The following GRID1 variants were observed in gnomAD, a reference collection of about 807,000 sequenced individuals.
GRID1 encodes the protein glutamate ionotropic receptor delta type subunit 1, also known as glutamate receptor ionotropic, delta-1.
In GRID1, 28 loss-of-function variants were observed where a neutral mutation model predicts 98.0. The observed-to-expected ratio is 0.29, with a 90% CI of 0.21 to 0.39. The LOEUF (loss-of-function observed/expected upper bound fraction) is 0.39, where lower values mean the gene tolerates loss of function less well. GRID1 is among the 10% of genes least tolerant of loss of function. The pLI, the probability that GRID1 is intolerant of heterozygous loss-of-function variation, is 1.00. For missense variants in GRID1, 1,111 were observed against 1,340.5 expected, an observed-to-expected ratio of 0.83 and a Z score of 2.67; for synonymous variants, 553 against 538.5, an observed-to-expected ratio of 1.03 and a Z score of -0.37.
intron 8 of GRID1, among the ~76,000 whole-genome samples, chr10:85,848,588 T>G (rs1843028483): frequency 6.6e-6 from 1 of 152,164 alleles, no homozygotes; most frequent in Admixed American, 6.5e-5. Flanking sequence ...ATGATCTCTA[T>G]GTATGAAGGG....
At chr10:86,170,797 G>A (rs1238021468) in intron 3 of GRID1, among the ~76,000 whole-genome samples, 1 of 152,196 alleles carries the variant, frequency 6.6e-6, no homozygotes, top group Non-Finnish European at 1.5e-5. Flanking sequence ...GCTATTTGGG[G>A]TCACGTTCTA....
intron 2 of GRID1, among the ~76,000 whole-genome samples, chr10:86,344,201 CAT>C (rs1181632678): frequency 6.6e-5 from 10 of 152,242 alleles, no homozygotes; most frequent in Admixed American, 6.5e-4. Flanking sequence ...CCTCAAGAGA[CAT>C]GTGGGCAGGG....
intron 13 of GRID1, among the ~76,000 whole-genome samples, chr10:85,635,467 T>TG (rs1232501888): frequency 6.6e-6 from 1 of 152,204 alleles, no homozygotes; most frequent in Non-Finnish European, 1.5e-5. Flanking sequence ...GCAATTTTGC[T>TG]GCTCACTCAT....
chr10:86,118,111 T>TACAC (rs1250024177), intron 4 of GRID1, among the ~76,000 whole-genome samples: 1 of 152,070 alleles, frequency 6.6e-6, no homozygotes, highest in Non-Finnish European at 1.5e-5. Flanking sequence ...GATAGATATA[T>TACAC]ATACACACAC....
At position 85,855,968 on chromosome 10, in the gene GRID1, C is replaced by T. The variant is rs1388122848; in HGVS notation, c.1113+61G>A. 9.4e-6 allele frequency: 14 copies of T among 1,488,732 alleles called. No individual in the cohort carries two copies. The Admixed American group carries it at 2.0e-4, about 22-fold the overall frequency. The allele number at this position is 1,488,732 out of a possible 1,614,324, so 92.2% of individuals were successfully genotyped here. Reference sequence around the variant, plus strand: ...TCAGGCCAGCTACTAGAGGGGAACACAGTGGAGGTATAAGAAGGGGCCTGT... The same window carrying T: ...TCAGGCCAGCTACTAGAGGGGAACATAGTGGAGGTATAAGAAGGGGCCTGT... On this transcript the variant is annotated intron_variant, in intron 7 of 15. Transcript: ENST00000327946.
chr10:86,095,127 T>C (rs1176685903), intron 4 of GRID1, among the ~76,000 whole-genome samples: 1 of 152,142 alleles, frequency 6.6e-6, no homozygotes, highest in Non-Finnish European at 1.5e-5. Context: ...TTTCAACAAT[T>C]GGTGCTGGGA....
chr10:86,366,271 G>A lies in GRID1; in HGVS notation c.79+43C>T. On this transcript the variant is annotated intron_variant, in intron 1 of 15. Coordinates refer to ENST00000327946, the MANE Select transcript of GRID1 (RefSeq NM_017551.3). The surrounding 1 kb of genome is among the most constrained non-coding windows in gnomAD (Gnocchi z 4.1). ...GACGCCGCGCACCCCCTGCCCCGTT[G>A]GGGCCCCCGCCCAGCCTCGGCCCGG... The A allele has an allele frequency of 2.1e-6, 3 of 1,401,980 alleles. No individual in the cohort carries two copies. Among genetic ancestry groups the A allele is most frequent in the Non-Finnish European group, 2.9e-6 (3 of 1,047,070 alleles). 86.8% of individuals were successfully genotyped at this position (1,401,980 alleles called of 1,614,324 possible).
At chr10:85,770,103 C>T (rs192218469) in intron 8 of GRID1, among the ~76,000 whole-genome samples, 12 of 152,318 alleles carry the variant, frequency 7.9e-5, no homozygotes, top group African/African-American at 2.4e-4. Flanking sequence ...ACACCTCACA[C>T]GGCCGGGTAC....
At chr10:86,259,950 C>G (rs1054809514) in intron 2 of GRID1, among the ~76,000 whole-genome samples, 1 of 152,232 alleles carries the variant, frequency 6.6e-6, no homozygotes, top group African/African-American at 2.4e-5. Context: ...CACATGAGAG[C>G]CCAGGCAGTG....
At chr10:86,048,486 C>T (rs1330034259) in intron 4 of GRID1, among the ~76,000 whole-genome samples, 2 of 152,196 alleles carry the variant, frequency 1.3e-5, no homozygotes, top group Non-Finnish European at 2.9e-5. Flanking sequence ...CAGAGTGGCT[C>T]TTCCAGGCCC....
At chr10:85,968,438 A>T (rs1178021374) in intron 4 of GRID1, among the ~76,000 whole-genome samples, 1 of 139,668 alleles carries the variant, frequency 7.2e-6, no homozygotes, top group Non-Finnish European at 1.5e-5. Context: ...ACGACACAGC[A>T]AGACTCTGTC....
chr10:86,078,964 G>A (rs1180770477), intron 4 of GRID1, among the ~76,000 whole-genome samples: 2 of 151,602 alleles, frequency 1.3e-5, no homozygotes, highest in African/African-American at 2.4e-5. Flanking sequence ...CCCTTAAGGG[G>A]GCTCAACAGG....
At chr10:86,262,101 T>C (rs780582773) in intron 2 of GRID1, among the ~76,000 whole-genome samples, 7 of 152,194 alleles carry the variant, frequency 4.6e-5, no homozygotes, top group Non-Finnish European at 7.3e-5. Flanking sequence ...CCCCAAAGCC[T>C]GCGCTCTTTA....
chr10:85,912,137 T>G (rs1216277827), intron 5 of GRID1, among the ~76,000 whole-genome samples: 1 of 152,262 alleles, frequency 6.6e-6, no homozygotes, highest in Non-Finnish European at 1.5e-5. Flanking sequence ...AGTGATGAGC[T>G]GAATCTGGCC....
chr10:86,128,837 TC>T (rs1399572012), intron 4 of GRID1, among the ~76,000 whole-genome samples: 1 of 152,106 alleles, frequency 6.6e-6, no homozygotes, highest in African/African-American at 2.4e-5. Context: ...CACACATCAG[TC>T]ACTGGGCATG....
intron 4 of GRID1, among the ~76,000 whole-genome samples, chr10:85,956,850 G>A (rs780892568): frequency 1.4e-4 from 21 of 152,122 alleles, no homozygotes; most frequent in Admixed American, 2.6e-4. Flanking sequence ...GAAGGAATCT[G>A]GCAACTCACA....
At chr10:85,883,391 A>G (rs1037388918) in intron 5 of GRID1, among the ~76,000 whole-genome samples, 1 of 152,204 alleles carries the variant, frequency 6.6e-6, no homozygotes, top group Admixed American at 6.5e-5. Flanking sequence ...CTAAATACGT[A>G]AAGTCATTTC....
intron 4 of GRID1, among the ~76,000 whole-genome samples, chr10:85,994,868 T>G (rs1285226693): frequency 6.6e-6 from 1 of 152,230 alleles, no homozygotes; most frequent in African/African-American, 2.4e-5. Context: ...ATATATAAAA[T>G]TTATTGAGAA....
intron 4 of GRID1, among the ~76,000 whole-genome samples, chr10:85,920,246 G>A (rs993076472): frequency 2.6e-5 from 4 of 151,922 alleles, no homozygotes; most frequent in Admixed American, 1.3e-4. Context: ...CTACTTCTGC[G>A]AAGTCAACTT....
Sources: gnomAD v4.1 joint callset for allele counts (sites outside exome capture counted in the v4.1 genomes callset) on GRCh38, gnomAD v4.1.1 for gene constraint, Gnocchi (gnomAD v3.1) non-coding constraint, MANE v1.5 for transcripts, NCBI Gene and HGNC (gene_info 2026-07-23, HGNC 2026-07-21) for gene names.